The following SFMBT1 variants were observed in gnomAD, a reference collection of about 807,000 sequenced individuals.
The protein encoded by SFMBT1 is Scm like with four mbt domains 1.
A neutral mutation model predicts 108.7 loss-of-function variants in SFMBT1; 32 were observed. The observed-to-expected ratio is 0.29, with a 90% confidence interval of 0.22 to 0.40. The LOEUF (loss-of-function observed/expected upper bound fraction) is 0.40, where lower values mean the gene tolerates loss of function less well. Among genes scored for constraint, SFMBT1 ranks in the 10% least tolerant of loss-of-function variants. SFMBT1 has a pLI of 1.00. For synonymous variants in SFMBT1, 348 were observed against 369.5 expected, an observed-to-expected ratio of 0.94 and a Z score of 0.67; for missense variants, 816 against 1,059.6, an observed-to-expected ratio of 0.77 and a Z score of 3.19.
chr3:52,947,120 CTTT>C (rs111716780), intron 3 of SFMBT1, among the ~76,000 whole-genome samples: 3 of 139,742 alleles, frequency 2.1e-5, no homozygotes, highest in Admixed American at 7.2e-5. Flanking sequence ...GTCTTTTTCA[CTTT>C]TTTTTTTTTT....
chr3:52,914,377 C>T (rs1047133369), intron 14 of SFMBT1, among the ~76,000 whole-genome samples: 3 of 152,146 alleles, frequency 2.0e-5, no homozygotes, highest in East Asian at 1.9e-4. Flanking sequence ...GAAAGATATG[C>T]GCACACTGCC....
At chr3:52,954,838 T>A (rs935024272) in intron 2 of SFMBT1, among the ~76,000 whole-genome samples, 2 of 127,774 alleles carry the variant, frequency 1.6e-5, no homozygotes, top group Non-Finnish European at 1.6e-5. Flanking sequence ...AAGATACTCC[T>A]AGTAAATATT....
intron 1 of SFMBT1, among the ~76,000 whole-genome samples, chr3:52,981,993 G>A (rs1422459158): frequency 6.6e-6 from 1 of 152,052 alleles, no homozygotes; most frequent in East Asian, 1.9e-4. Flanking sequence ...GCCAGTAAGG[G>A]TCTGCTTTTT....
chr3:52,928,935 G>A (rs949940884), intron 8 of SFMBT1, among the ~76,000 whole-genome samples: 1 of 151,622 alleles, frequency 6.6e-6, no homozygotes, highest in African/African-American at 2.4e-5. Context: ...AAACTCCTGG[G>A]CTCAAGCAAT....
intron 7 of SFMBT1, 151 bp downstream of exon 7, chr3:52,930,790 T>C (rs975307152): frequency 1.6e-6 from 1 of 631,396 alleles, no homozygotes; most frequent in Admixed American, 2.9e-5. Flanking sequence ...AAAACAAGGA[T>C]GATCATCAGT....
chr3:53,008,402 A>G (rs1208039216), intron 1 of SFMBT1, among the ~76,000 whole-genome samples: 3 of 152,202 alleles, frequency 2.0e-5, no homozygotes, highest in Non-Finnish European at 4.4e-5. Flanking sequence ...TTAAATGATT[A>G]GTATCTCTCC....
chr3:53,002,097 G>C (rs914260071), intron 1 of SFMBT1, among the ~76,000 whole-genome samples: 1 of 150,036 alleles, frequency 6.7e-6, no homozygotes, highest in African/African-American at 2.4e-5. Flanking sequence ...AAAAGCAAGA[G>C]AGCTTAGAAA....
At chr3:52,947,448 G>A (rs149811468) in intron 3 of SFMBT1, among the ~76,000 whole-genome samples, 64 of 152,192 alleles carry the variant, frequency 4.2e-4, no homozygotes, top group African/African-American at 1.5e-3. Flanking sequence ...TTTGGAAGGT[G>A]TGTCATGTAT....
intron 1 of SFMBT1, among the ~76,000 whole-genome samples, chr3:53,044,519 G>A (rs909751019): frequency 2.6e-5 from 4 of 152,072 alleles, no homozygotes; most frequent in African/African-American, 9.7e-5. Context: ...GCCTCAAAAC[G>A]CTAGTCAACA....
At chr3:52,958,225 T>C (rs1434825766) in intron 2 of SFMBT1, among the ~76,000 whole-genome samples, 2 of 152,226 alleles carry the variant, frequency 1.3e-5, no homozygotes, top group African/African-American at 2.4e-5. Context: ...ACATCACTGA[T>C]GATTAGAGAA....
At chr3:53,035,648 G>A (rs1699846244) in intron 1 of SFMBT1, among the ~76,000 whole-genome samples, 1 of 152,180 alleles carries the variant, frequency 6.6e-6, no homozygotes, top group East Asian at 1.9e-4. Context: ...CCAGGCTGGA[G>A]TGCAGTGGTG....
intron 12 of SFMBT1, among the ~76,000 whole-genome samples, chr3:52,919,586 G>T (rs912712995): frequency 9.9e-5 from 15 of 152,204 alleles, no homozygotes; most frequent in Admixed American, 2.0e-4. Context: ...GTGATAGCTG[G>T]TACGTCAATT....
At position 52,920,616 on chromosome 3, in the gene SFMBT1, A is replaced by G. The variant is rs2106779185; in HGVS notation, c.1293T>C (p.Ser431=). Residue 431 remains serine (S), a synonymous_variant, in exon 12 of 21, where the codon AGT becomes AGC. Coordinates refer to ENST00000394752, the MANE Select transcript of SFMBT1 (RefSeq NM_016329.4). The part of the protein sequence containing the change: ...SKKPIPECIV[S]VESMDIFPLG... ...AAGGAAATATATCCATGGATTCCAC[A>G]CTCACAATACATTCAGGTATAGGCT... The G allele has an allele frequency of 6.2e-7, 1 of 1,613,912 alleles. No individual in the cohort carries two copies. The highest frequency in any genetic ancestry group is 8.5e-7 in the Non-Finnish European group (1 of 1,179,868).
chr3:52,990,800 G>A (rs544039742), intron 1 of SFMBT1, among the ~76,000 whole-genome samples: 21 of 152,168 alleles, frequency 1.4e-4, no homozygotes, highest in African/African-American at 3.1e-4. Flanking sequence ...CAGATATTAC[G>A]CATAAAACAA....
chr3:52,930,881 G>A lies in SFMBT1; in HGVS notation c.795+60C>T. ...GGGCTGCTTTACACTTTCACCTCCT[G>A]CGTTGCTTTACTCTACTGTAAGGGG... On this transcript the variant is annotated intron_variant, in intron 7 of 20. Coordinates refer to ENST00000394752, the MANE Select transcript of SFMBT1 (RefSeq NM_016329.4). 2.1e-6 allele frequency: 3 copies of A among 1,408,774 alleles called. No homozygotes were observed. The South Asian group carries it at 3.5e-5, about 16-fold the overall frequency. The allele number at this position is 1,408,774 out of a possible 1,614,324, so 87.3% of individuals were successfully genotyped here. A position where few individuals can be genotyped will look rare whatever the true frequency, so the allele number is the denominator to read the frequency against.
chr3:53,027,593 G>T (rs878980368), intron 1 of SFMBT1, among the ~76,000 whole-genome samples: 5 of 152,202 alleles, frequency 3.3e-5, no homozygotes, highest in Admixed American at 3.3e-4. Flanking sequence ...CACAGGAGAA[G>T]GAAATTCAGT....
At chr3:52,998,670 C>T (rs560945235) in intron 1 of SFMBT1, among the ~76,000 whole-genome samples, 42 of 150,734 alleles carry the variant, frequency 2.8e-4, no homozygotes, top group African/African-American at 9.9e-4. Context: ...GCTCGTGCCA[C>T]GCTGGTTCTG....
At chr3:52,929,652 A>C (rs11718834) in intron 8 of SFMBT1, among the ~76,000 whole-genome samples, 13,780 of 152,270 alleles carry the variant, frequency 0.09, 638 homozygotes, top group African/African-American at 0.099. Context: ...CTTTGAGAAT[A>C]ATCTTCTTCC....
At chr3:52,994,068 C>T (rs1348247272) in intron 1 of SFMBT1, among the ~76,000 whole-genome samples, 2 of 150,178 alleles carry the variant, frequency 1.3e-5, no homozygotes, top group Non-Finnish European at 3.0e-5. Flanking sequence ...TATTCATAAG[C>T]CATTACTGCA....
Sources: gnomAD v4.1 joint callset for allele counts (sites outside exome capture counted in the v4.1 genomes callset) on GRCh38, gnomAD v4.1.1 for gene constraint, MANE v1.5 for transcripts, NCBI Gene and HGNC (gene_info 2026-07-23, HGNC 2026-07-21) for gene names.